The following DNAJB11 variants were observed in gnomAD, a reference collection of about 807,000 sequenced individuals.
The protein encoded by DNAJB11 is dnaJ homolog subfamily B member 11.
Under a neutral mutation model 47.2 loss-of-function variants are expected in DNAJB11, and 30 were observed. That is an observed-to-expected ratio of 0.64 (90% CI 0.48 to 0.86). The LOEUF (loss-of-function observed/expected upper bound fraction) is 0.86. DNAJB11 is among the 40% of genes least tolerant of loss of function. DNAJB11 has a pLI of 0.00. For missense variants in DNAJB11, 357 were observed against 440.2 expected (o/e 0.81, Z 1.69); for synonymous variants, 151 against 159.9 (o/e 0.94, Z 0.42).
chr3:186,575,232 C>T (rs1715227122), intron 2 of DNAJB11, among the ~76,000 whole-genome samples: 1 of 152,090 alleles, frequency 6.6e-6, no homozygotes, highest in African/African-American at 2.4e-5. Context: ...AGGCAAAATT[C>T]TTCCACAAAT....
chr3:186,571,239 C>T (rs532383504), intron 1 of DNAJB11, among the ~76,000 whole-genome samples: 21 of 152,188 alleles, frequency 1.4e-4, no homozygotes, highest in South Asian at 4.1e-4. Flanking sequence ...CATTGCCAAA[C>T]GGCATTTGGG....
intron 2 of DNAJB11, among the ~76,000 whole-genome samples, chr3:186,572,469 G>A (rs1315400328): frequency 6.6e-6 from 1 of 152,152 alleles, no homozygotes; most frequent in Non-Finnish European, 1.5e-5. Context: ...AGCCTCCCAA[G>A]TAGCTGGGAT....
chr3:186,583,273 T>C (rs555762169), intron 7 of DNAJB11, among the ~76,000 whole-genome samples: 22 of 152,350 alleles, frequency 1.4e-4, no homozygotes, highest in African/African-American at 5.3e-4. Flanking sequence ...TCTCTGCCTT[T>C]GTAAGGAGTC....
rs1157842187 is a variant in DNAJB11 at position 186,571,398 on chromosome 3, C to CTG, written c.68+436_68+437dup. 1.2e-4 allele frequency among the ~76,000 whole-genome samples: 19 copies of CTG among 152,260 alleles called. No homozygotes were observed. The South Asian group carries it at 3.1e-3, about 25-fold the overall frequency. ...TTTGTTTGATCAAAGAGGTGAGTTG[C>CTG]TGTGCCCCGCTGAGGTGGAGAAGCG... On this transcript the variant is annotated intron_variant, in intron 1 of 9. Transcript: ENST00000265028.
At chr3:186,577,640 TTC>T in intron 3 of DNAJB11, 26 bp from the exon 4 acceptor site, 1 of 1,537,460 alleles carries the variant, frequency 6.5e-7, no homozygotes, top group Non-Finnish European at 8.7e-7. Context: ...TTTTTTTTTT[TTC>T]CTGATGATTT....
chr3:186,570,886 G>T lies in DNAJB11; in HGVS notation c.-12G>T, dbSNP rs74688115. On this transcript the variant is annotated 5_prime_UTR_variant, in exon 1 of 10. Coordinates refer to ENST00000265028, the MANE Select transcript of DNAJB11 (RefSeq NM_016306.6). ...GAGGAGTGTGTGGAACAGGACCCGG[G>T]ACAGAGGAACCATGGCTCCGCAGAA... is the stretch of plus-strand genomic sequence containing the variant. 9.6e-4 allele frequency: 1,543 copies of T among 1,603,500 alleles called. 12 individuals are homozygous for T. The African/African-American group carries it at 0.018, about 19-fold the overall frequency.
intron 4 of DNAJB11, chr3:186,578,854 T>C (rs537590794): frequency 3.3e-5 from 5 of 152,384 alleles, no homozygotes; most frequent in African/African-American, 9.6e-5. Flanking sequence ...AACTAATTAA[T>C]GTAATTAAAT....
At chr3:186,575,966 T>TA in intron 3 of DNAJB11, 29 bp downstream of exon 3, 8 of 1,519,468 alleles carry the variant, frequency 5.3e-6, no homozygotes, top group Non-Finnish European at 7.3e-6. Context: ...TGCAAAGTGT[T>TA]AGTGTCTGAG....
chr3:186,582,616 A>G (rs187059236), intron 6 of DNAJB11, 100 bp from the exon 7 acceptor site: 10 of 941,656 alleles, frequency 1.1e-5, no homozygotes, highest in Admixed American at 8.2e-5. Flanking sequence ...TGACAGGTCA[A>G]TGCCCAAAGT....
intron 5 of DNAJB11, 80 bp downstream of exon 5, chr3:186,581,593 C>T: frequency 1.4e-6 from 2 of 1,478,988 alleles, no homozygotes; most frequent in Non-Finnish European, 1.8e-6. Context: ...ATGGTCCATA[C>T]TAGATCTTTC....
Position 186,572,215 on chromosome 3 carries a change from C to T in DNAJB11, c.189C>T (p.Ala63=), listed in dbSNP as rs780444228. ...ACCGGAACCCTGATGATCCACAAGC[C>T]CAGGAGAAATTCCAGGATCTGGGTG... The part of the protein sequence containing the change: ...HPDRNPDDPQ[A]QEKFQDLGAA... Residue 63 remains alanine, a synonymous_variant, in exon 2 of 10, where the codon GCC becomes GCT. Transcript: ENST00000265028. The T allele has an allele frequency of 3.7e-6, 6 of 1,612,976 alleles. No homozygotes were observed. Among genetic ancestry groups the T allele is most frequent in the East Asian group, 4.5e-5 (2 of 44,878 alleles).
intron 9 of DNAJB11, 81 bp downstream of exon 9, chr3:186,584,670 TAGA>T (rs953665494): frequency 5.2e-6 from 7 of 1,337,524 alleles, no homozygotes; most frequent in Non-Finnish European, 2.9e-6. Flanking sequence ...AGGATGGCAA[TAGA>T]AGAACTCTCC....
chr3:186,585,146 G>T (rs766081204), intron 9 of DNAJB11, among the ~76,000 whole-genome samples, 198 bp from the exon 10 acceptor site: 2 of 152,202 alleles, frequency 1.3e-5, no homozygotes, highest in Non-Finnish European at 2.9e-5. Flanking sequence ...GGGCCTAAAA[G>T]ACAAGGGATC....
At position 186,582,116 on chromosome 3, in the gene DNAJB11, T is replaced by C. The variant is rs6784026; in HGVS notation, c.682+39T>C. 288,611 of 1,500,536 alleles carry C rather than the reference T, an allele frequency of 0.19. 31,999 individuals carry two copies. The highest frequency in any genetic ancestry group is 0.48 in the African/African-American group (34,848 of 72,128). 93.0% of individuals were successfully genotyped at this position (1,500,536 alleles called of 1,614,324 possible). ...ATTTGATTTTTTGATTGTGATAACT[T>C]TTTGCTCTCTGCTTGTTTGTGAATA... On this transcript the variant is annotated intron_variant, in intron 6 of 9. Coordinates refer to ENST00000265028, the MANE Select transcript of DNAJB11 (RefSeq NM_016306.6).
At chr3:186,574,261 G>A (rs1715186126) in intron 2 of DNAJB11, among the ~76,000 whole-genome samples, 1 of 152,206 alleles carries the variant, frequency 6.6e-6, no homozygotes, top group African/African-American at 2.4e-5. Flanking sequence ...GAAAAGTGAG[G>A]AGGAAGTAAA....
Position 186,570,811 on chromosome 3 carries a change from T to A in DNAJB11, c.-87T>A. 7.4e-7 allele frequency: 1 copy of A among 1,346,178 alleles called. No individual in the cohort carries two copies. Among genetic ancestry groups the A allele is most frequent in the Non-Finnish European group, 1.0e-6 (1 of 967,978 alleles). 83.4% of individuals were successfully genotyped at this position (1,346,178 alleles called of 1,614,324 possible). ...CGCGCCCCCCCGGTGTGAGGCGGCCTCACAGGGCCGGGTGGGCTGGCGAGC... is the reference window on the plus strand; with the variant it reads ...CGCGCCCCCCCGGTGTGAGGCGGCCACACAGGGCCGGGTGGGCTGGCGAGC... On this transcript the variant is annotated 5_prime_UTR_variant, in exon 1 of 10. Coordinates refer to ENST00000265028, the MANE Select transcript of DNAJB11 (RefSeq NM_016306.6).
chr3:186,583,541 T>C (rs371040768), intron 7 of DNAJB11, among the ~76,000 whole-genome samples: 3 of 152,222 alleles, frequency 2.0e-5, no homozygotes, highest in Admixed American at 1.3e-4. Flanking sequence ...ACAGCCAACT[T>C]AGTCTTGTGA....
At chr3:186,573,606 C>T (rs545816961) in intron 2 of DNAJB11, among the ~76,000 whole-genome samples, 9 of 152,112 alleles carry the variant, frequency 5.9e-5, no homozygotes, top group African/African-American at 9.6e-5. Context: ...AGGATGGTCT[C>T]GATCTCCTGA....
chr3:186,583,851 T>C lies in DNAJB11; in HGVS notation c.741-14T>C. The C allele has an allele frequency of 6.3e-7, 1 of 1,590,250 alleles. No individual in the cohort carries two copies. Among genetic ancestry groups the C allele is most frequent in the Non-Finnish European group, 8.6e-7 (1 of 1,159,024 alleles). On this transcript the variant is annotated splice_polypyrimidine_tract_variant and intron_variant, in intron 7 of 9. Transcript: ENST00000265028. Reference sequence around the variant, plus strand: ...AGTTGGAAATTAATGATTTTTACCTTATTCTGTTTTTAGGCACCCAATATT... The same window carrying C: ...AGTTGGAAATTAATGATTTTTACCTCATTCTGTTTTTAGGCACCCAATATT...
Sources: gnomAD v4.1 joint callset for allele counts (sites outside exome capture counted in the v4.1 genomes callset) on GRCh38, gnomAD v4.1.1 for gene constraint, MANE v1.5 for transcripts, NCBI Gene and HGNC (gene_info 2026-07-23, HGNC 2026-07-21) for gene names.